RUNX2: variants seen among roughly 807,000 people sequenced by gnomAD.
The protein encoded by RUNX2 is RUNX family transcription factor 2.
A neutral mutation model predicts 51.7 loss-of-function variants in RUNX2; 10 were observed. The observed-to-expected ratio is 0.19, with a 90% CI of 0.12 to 0.33. The LOEUF is 0.33. Among genes scored for constraint, RUNX2 ranks in the 10% least tolerant of loss-of-function variants. The pLI, the probability that RUNX2 is intolerant of heterozygous loss-of-function variation, is 1.00. For synonymous variants in RUNX2, 276 were observed against 273.6 expected, an observed-to-expected ratio of 1.01 and a Z score of -0.09; for missense variants, 562 against 691.3, an observed-to-expected ratio of 0.81 and a Z score of 2.10.
intron 2 of RUNX2, among the ~76,000 whole-genome samples, chr6:45,411,626 G>A (rs1582083278): frequency 6.6e-6 from 1 of 151,888 alleles, no homozygotes; most frequent in Middle Eastern, 3.2e-3. Flanking sequence ...TATCAGAGAA[G>A]CCTTTGAAAA....
Position 45,537,460 on chromosome 6 carries a change from C to T in RUNX2, c.1022-7757C>T, listed in dbSNP as rs117607067. Among the ~76,000 whole-genome samples, 6 of 152,274 alleles carry T rather than the reference C, an allele frequency of 3.9e-5. No homozygotes were observed. The East Asian group carries it at 1.2e-3, about 29-fold the overall frequency. ...CTTCGACGAAATCACTTTTTTTGAGCTTGAGTTTGCCATTCATATAGTATA... is the reference window on the plus strand; with the variant it reads ...CTTCGACGAAATCACTTTTTTTGAGTTTGAGTTTGCCATTCATATAGTATA... On this transcript the variant is annotated intron_variant, in intron 7 of 8. Coordinates refer to ENST00000647337, the MANE Select transcript of RUNX2 (RefSeq NM_001024630.4).
At chr6:45,490,722 T>C (rs541119881) in intron 5 of RUNX2, among the ~76,000 whole-genome samples, 1 of 152,266 alleles carries the variant, frequency 6.6e-6, no homozygotes, top group South Asian at 2.1e-4. Context: ...TTTCTTTCTT[T>C]TATGGATAAT....
chr6:45,393,680 G>A (rs1050967303), intron 2 of RUNX2, among the ~76,000 whole-genome samples: 10 of 151,990 alleles, frequency 6.6e-5, no homozygotes, highest in African/African-American at 2.4e-4. Context: ...TACCCACCTC[G>A]GCCTCCCAAA....
intron 2 of RUNX2, among the ~76,000 whole-genome samples, chr6:45,384,516 C>T (rs1797308920): frequency 6.6e-6 from 1 of 152,038 alleles, no homozygotes; most frequent in African/African-American, 2.4e-5. Context: ...AACTCCTGGC[C>T]TCAAGTGATC....
intron 2 of RUNX2, among the ~76,000 whole-genome samples, chr6:45,363,388 T>C (rs1284704760): frequency 1.3e-5 from 2 of 152,136 alleles, no homozygotes; most frequent in Admixed American, 6.5e-5. Context: ...ATACTTCATA[T>C]TTTTTTAAAA....
chr6:45,547,396 A>G lies in RUNX2; in HGVS notation c.*91A>G. On this transcript the variant is annotated 3_prime_UTR_variant, in exon 9 of 9. Transcript: ENST00000647337. ...ATAGAGAGAGTGCATATATATGTAT[A>G]TCGATTAGCTATCTACAAAGTGCCT... 1 of 1,054,368 alleles carries G rather than the reference A, an allele frequency of 9.5e-7. No homozygotes were observed. Among genetic ancestry groups the G allele is most frequent in the East Asian group, 2.4e-5 (1 of 42,204 alleles). 65.3% of individuals were successfully genotyped at this position (1,054,368 alleles called of 1,614,324 possible).
intron 4 of RUNX2, among the ~76,000 whole-genome samples, chr6:45,435,523 A>G (rs1798657414): frequency 6.6e-6 from 1 of 151,988 alleles, no homozygotes; most frequent in Non-Finnish European, 1.5e-5. Context: ...ACGCCCAGCT[A>G]ATTTTTATAT....
At chr6:45,363,662 C>T (rs1239378252) in intron 2 of RUNX2, among the ~76,000 whole-genome samples, 1 of 151,676 alleles carries the variant, frequency 6.6e-6, no homozygotes, top group Admixed American at 6.6e-5. Context: ...AGCCACTAAA[C>T]TATAATGAAA....
chr6:45,512,131 G>A, intron 6 of RUNX2, 115 bp from the exon 7 acceptor site: 1 of 867,782 alleles, frequency 1.2e-6, no homozygotes, highest in Non-Finnish European at 1.8e-6. Flanking sequence ...ATATATATAA[G>A]CCATTTTTTT....
At chr6:45,344,714 C>A (rs1384045483) in intron 2 of RUNX2, among the ~76,000 whole-genome samples, 1 of 151,846 alleles carries the variant, frequency 6.6e-6, no homozygotes, top group East Asian at 1.9e-4. Flanking sequence ...GCTAGGAAAG[C>A]CTAGAGAAAA....
intron 5 of RUNX2, among the ~76,000 whole-genome samples, chr6:45,480,907 C>T (rs1189423922): frequency 2.0e-5 from 3 of 152,176 alleles, no homozygotes; most frequent in African/African-American, 7.2e-5. Flanking sequence ...CACAGCAAGA[C>T]CAGGCTGTGG....
At chr6:45,330,339 G>GTTAC (rs1220183082) in intron 2 of RUNX2, among the ~76,000 whole-genome samples, 1 of 151,802 alleles carries the variant, frequency 6.6e-6, no homozygotes, top group East Asian at 1.9e-4. Flanking sequence ...CGAAAGTTTT[G>GTTAC]TTACTACTAC....
chr6:45,458,702 C>T (rs1418207448), intron 5 of RUNX2, among the ~76,000 whole-genome samples: 1 of 152,130 alleles, frequency 6.6e-6, no homozygotes, highest in Admixed American at 6.6e-5. Context: ...GCTGAATGGA[C>T]CTTTCAAGGT....
chr6:45,404,771 C>T (rs554420741), intron 2 of RUNX2, among the ~76,000 whole-genome samples: 3 of 152,280 alleles, frequency 2.0e-5, no homozygotes, highest in African/African-American at 7.2e-5. Context: ...TCAGAACATC[C>T]CATTTTTAAA....
At chr6:45,469,936 C>T (rs1039387206) in intron 5 of RUNX2, among the ~76,000 whole-genome samples, 6 of 152,156 alleles carry the variant, frequency 3.9e-5, no homozygotes, top group African/African-American at 9.7e-5. Flanking sequence ...ATCTTAACTC[C>T]GTCACGAACC....
intron 5 of RUNX2, among the ~76,000 whole-genome samples, chr6:45,461,814 C>A (rs1799485299): frequency 6.6e-6 from 1 of 151,776 alleles, no homozygotes; most frequent in Non-Finnish European, 1.5e-5. Context: ...TCGGTGCCTA[C>A]TACATAATTT....
intron 5 of RUNX2, among the ~76,000 whole-genome samples, chr6:45,477,062 C>T (rs1453195880): frequency 6.6e-6 from 1 of 152,166 alleles, no homozygotes; most frequent in Non-Finnish European, 1.5e-5. Context: ...TGCCTGGACA[C>T]AGACAAAGGT....
Position 45,494,313 on chromosome 6 carries a change from TTAAGC to T in RUNX2, c.859+2201_859+2205del, listed in dbSNP as rs531728679. Among the ~76,000 whole-genome samples the T allele has an allele frequency of 1.8e-4, 27 of 152,344 alleles. 1 individual carries two copies. In the South Asian group the frequency reaches 1.9e-3, roughly 11 times the overall value. On this transcript the variant is annotated intron_variant, in intron 6 of 8. Coordinates refer to ENST00000647337, the MANE Select transcript of RUNX2 (RefSeq NM_001024630.4). ...CTTCCCTGTTAGGGGGCTCAGGAAG[TTAAGC>T]TTCTTGTCTGCAGTTGCACAGCAAG...
At chr6:45,449,412 GGGA>G (rs1799094055) in intron 5 of RUNX2, among the ~76,000 whole-genome samples, 2 of 152,314 alleles carry the variant, frequency 1.3e-5, no homozygotes, top group East Asian at 1.9e-4. Flanking sequence ...ATCTCTCTGA[GGGA>G]GGCGTTATGC....
Sources: allele counts gnomAD v4.1 joint callset (sites outside exome capture counted in the v4.1 genomes callset), GRCh38; gene constraint gnomAD v4.1.1; transcripts MANE v1.5; gene names NCBI Gene and HGNC (gene_info 2026-07-23, HGNC 2026-07-21).